PAPOLA: variants seen among roughly 807,000 people sequenced by gnomAD.
PAPOLA encodes the protein polynucleotide adenylyltransferase alpha.
A neutral mutation model predicts 100.6 loss-of-function variants in PAPOLA; 15 were observed. That is an observed-to-expected ratio of 0.15 (90% CI 0.10 to 0.23). PAPOLA has a LOEUF of 0.23. Among genes scored for constraint, PAPOLA ranks in the 10% least tolerant of loss-of-function variants. The pLI is 1.00. For synonymous variants in PAPOLA, 293 were observed against 300.0 expected, an observed-to-expected ratio of 0.98 and a Z score of 0.24; for missense variants, 533 against 884.2, an observed-to-expected ratio of 0.60 and a Z score of 5.04.
intron 18 of PAPOLA, 106 bp downstream of exon 18, chr14:96,556,053 A>G: frequency 8.6e-7 from 1 of 1,162,514 alleles, no homozygotes; most frequent in East Asian, 2.4e-5. Context: ...AGTTTTTTAA[A>G]TGCCAGTTTA....
intron 16 of PAPOLA, among the ~76,000 whole-genome samples, chr14:96,549,102 G>A (rs1367754971): frequency 6.6e-6 from 1 of 152,050 alleles, no homozygotes. Flanking sequence ...ACATGTAAAT[G>A]GTGGTTTAGA....
chr14:96,510,749 A>G (rs1897060143), intron 1 of PAPOLA, among the ~76,000 whole-genome samples: 1 of 152,218 alleles, frequency 6.6e-6, no homozygotes, highest in African/African-American at 2.4e-5. Context: ...ATATAGTGGG[A>G]TCTAAATATT....
chr14:96,534,006 A>AC, intron 9 of PAPOLA: 2 of 986,786 alleles, frequency 2.0e-6, no homozygotes, highest in Non-Finnish European at 2.4e-6. Flanking sequence ...AAATGTGGTT[A>AC]TGCCACCAAG....
At chr14:96,513,510 G>T (rs1268071649) in intron 1 of PAPOLA, among the ~76,000 whole-genome samples, 1 of 152,136 alleles carries the variant, frequency 6.6e-6, no homozygotes, top group African/African-American at 2.4e-5. Context: ...AAAGTTGCTA[G>T]ACAAACTTTT....
At chr14:96,504,756 A>G (rs1448945903) in intron 1 of PAPOLA, 1 of 152,224 alleles carries the variant, frequency 6.6e-6, no homozygotes, top group Non-Finnish European at 1.5e-5. Flanking sequence ...ATGCCTAGTT[A>G]AAGAAAAATA....
chr14:96,520,851 CGA>C (rs903398664), intron 2 of PAPOLA, 153 bp from the exon 3 acceptor site: 24 of 547,502 alleles, frequency 4.4e-5, no homozygotes, highest in East Asian at 6.3e-5. Context: ...AGAGAGAAAG[CGA>C]GAGAGAGAGC....
intron 7 of PAPOLA, 124 bp downstream of exon 7, chr14:96,531,710 A>G: frequency 6.6e-7 from 1 of 1,514,520 alleles, no homozygotes; most frequent in South Asian, 1.2e-5. Flanking sequence ...GTTAAATAAA[A>G]TGAACTTTGC....
intron 1 of PAPOLA, among the ~76,000 whole-genome samples, chr14:96,506,651 G>A (rs1341154626): frequency 6.6e-6 from 1 of 152,140 alleles, no homozygotes; most frequent in Non-Finnish European, 1.5e-5. Context: ...TGCTGACATT[G>A]GTGGTAATAT....
In PAPOLA at chr14:96,532,523, A is replaced by G; in HGVS notation, c.710A>G (p.Tyr237Cys). The G allele has an allele frequency of 6.2e-7, 1 of 1,609,142 alleles. No homozygotes were observed. The highest frequency in any genetic ancestry group is 8.5e-7 in the Non-Finnish European group (1 of 1,178,598). Residue 237 changes from tyrosine (Y) to cysteine (C), a missense_variant, in exon 9 of 22, where the codon TAT becomes TGT. Tyr to Cys is a radical substitution (Grantham distance 194). Transcript: ENST00000216277. ...IKLWAKRHNI[Y>C]SNILGFLGGV... ...CCCTTATCAACAGGCCACAACATCT[A>G]TTCCAATATATTAGGTTTCCTCGGT...
At chr14:96,549,950 C>G (rs1476140150) in intron 16 of PAPOLA, among the ~76,000 whole-genome samples, 1 of 152,058 alleles carries the variant, frequency 6.6e-6, no homozygotes, top group East Asian at 1.9e-4. Context: ...GCTGGGAGTT[C>G]AAGACCATCC....
In PAPOLA at chr14:96,555,836, T is replaced by A; in HGVS notation, c.1665-11T>A. 1 of 1,437,656 alleles carries A rather than the reference T, an allele frequency of 7.0e-7. No individual in the cohort carries two copies. The highest frequency in any genetic ancestry group is 9.4e-7 in the Non-Finnish European group (1 of 1,062,966). The allele number at this position is 1,437,656 out of a possible 1,614,324, so 89.1% of individuals were successfully genotyped here. On this transcript the variant is annotated splice_polypyrimidine_tract_variant and intron_variant, in intron 17 of 21. Transcript: ENST00000216277. ...AAATTTTGAGACAATTTTTAATTTT[T>A]TTTTTTTTAGCAGAAACAGTCCTGC...
At chr14:96,517,612 G>T (rs1163872797) in intron 1 of PAPOLA, among the ~76,000 whole-genome samples, 1 of 151,028 alleles carries the variant, frequency 6.6e-6, no homozygotes, top group Non-Finnish European at 1.5e-5. Context: ...TATGAATTCA[G>T]TTACATTTCA....
rs778892197 is a variant in PAPOLA, at chr14:96,520,116, TCTC to T, written c.73_75del (p.Pro25del). The T allele has an allele frequency of 6.2e-7, 1 of 1,613,986 alleles. No homozygotes were observed. The highest frequency in any genetic ancestry group is 8.5e-7 in the Non-Finnish European group (1 of 1,179,900). On this transcript the variant is annotated inframe_deletion, in exon 2 of 22. Transcript: ENST00000216277. ...GCCACAGAAGCACTATGGCATTACT[TCTC>T]CTATCAGCTTAGCAGCCCCCAAGGA...
intron 9 of PAPOLA, chr14:96,532,980 A>G (rs1302458968): frequency 9.9e-6 from 10 of 1,008,916 alleles, no homozygotes; most frequent in East Asian, 9.2e-5. Flanking sequence ...TGTACACACT[A>G]CCTCTTTCAC....
chr14:96,556,783 T>A (rs1458095324), intron 19 of PAPOLA, among the ~76,000 whole-genome samples: 1 of 152,220 alleles, frequency 6.6e-6, no homozygotes, highest in Non-Finnish European at 1.5e-5. Context: ...TTTGCTTCTG[T>A]GATCCAAAAG....
intron 2 of PAPOLA, 141 bp downstream of exon 2, chr14:96,520,369 C>A: frequency 1.6e-6 from 1 of 645,060 alleles, no homozygotes; most frequent in Middle Eastern, 4.2e-4. Context: ...AAGAGGGATA[C>A]TTAAGAGAGA....
At chr14:96,547,172 G>A (rs527592731) in intron 15 of PAPOLA, among the ~76,000 whole-genome samples, 2 of 152,168 alleles carry the variant, frequency 1.3e-5, no homozygotes, top group East Asian at 1.9e-4. Flanking sequence ...CCAGTGTCTA[G>A]GACAATATGA....
At chr14:96,548,603 A>G (rs1364644904) in intron 16 of PAPOLA, among the ~76,000 whole-genome samples, 1 of 152,214 alleles carries the variant, frequency 6.6e-6, no homozygotes, top group African/African-American at 2.4e-5. Flanking sequence ...CAGTGAAAAT[A>G]AATGAACTAC....
At chr14:96,537,511 C>T (rs974634205) in intron 12 of PAPOLA, 1 of 158,858 alleles carries the variant, frequency 6.3e-6, no homozygotes, top group East Asian at 1.8e-4. Flanking sequence ...TCAATAGTTA[C>T]AGCACATTAT....
Sources: gnomAD v4.1 joint callset for allele counts (sites outside exome capture counted in the v4.1 genomes callset) on GRCh38, gnomAD v4.1.1 for gene constraint, MANE v1.5 for transcripts, NCBI Gene and HGNC (gene_info 2026-07-23, HGNC 2026-07-21) for gene names.